Variants in KLKB1 observed in about 807,000 individuals in gnomAD.
KLKB1 encodes kallikrein B1, also known as plasma kallikrein.
A neutral mutation model predicts 73.6 loss-of-function variants in KLKB1; 58 were observed. The ratio of observed to expected loss-of-function variants is 0.79; its 90% CI spans 0.64 to 0.98. KLKB1 has a LOEUF of 0.98. Among genes scored for constraint, KLKB1 ranks in the 50% least tolerant of loss-of-function variants. KLKB1 has a pLI of 0.00. For synonymous variants in KLKB1, 280 were observed against 258.1 expected, an observed-to-expected ratio of 1.08 and a Z score of -0.81; for missense variants, 737 against 763.8, an observed-to-expected ratio of 0.96 and a Z score of 0.41.
chr4:186,221,791 T>C (rs1248666656), upstream of KLKB1, among the ~76,000 whole-genome samples: 1 of 152,250 alleles, frequency 6.6e-6, no homozygotes, highest in African/African-American at 2.4e-5. Context: ...GTTCTGCACA[T>C]GTCCGTTAGG....
chr4:186,255,942 A>G (rs1738970761), intron 12 of KLKB1, 50 bp from the exon 13 acceptor site: 2 of 1,073,412 alleles, frequency 1.9e-6, no homozygotes, highest in Admixed American at 1.7e-5. Context: ...TTTAAAGTCT[A>G]TATCCATAAC....
chr4:186,219,291 G>A (rs1490389517), intron 2 of KLKB1, among the ~76,000 whole-genome samples: 1 of 152,030 alleles, frequency 6.6e-6, no homozygotes, highest in African/African-American at 2.4e-5. Flanking sequence ...ACCATCACAA[G>A]TCCACCCCTT....
At chr4:186,226,994 G>A (rs1159401495), upstream of KLKB1, among the ~76,000 whole-genome samples, 19 of 152,174 alleles carry the variant, frequency 1.2e-4, 1 homozygote, top group Admixed American at 1.2e-3. Context: ...GGCCACAGAG[G>A]CTGGTCTGGC....
At position 186,252,074 on chromosome 4, in the gene KLKB1, AGT is replaced by A. The variant is rs768319200; in HGVS notation, c.1204_1205del (p.Trp402AlafsTer35). ...GGAGGAACAAACTCTTCTTGGGGAG[AGT>A]GGCCCTGGCAGGTGAGCCTGCAGGT... On this transcript the variant is annotated frameshift_variant, in exon 11 of 15. Coordinates refer to ENST00000264690, the MANE Select transcript of KLKB1 (RefSeq NM_000892.5). LOFTEE classifies it high-confidence loss of function. 2.0e-4 allele frequency: 330 copies of A among 1,613,976 alleles called. No individual in the cohort carries two copies. The highest frequency in any genetic ancestry group is 2.7e-4 in the Non-Finnish European group (315 of 1,180,048).
intron 2 of KLKB1, among the ~76,000 whole-genome samples, chr4:186,213,884 C>T (rs1311033649): frequency 6.6e-6 from 1 of 152,188 alleles, no homozygotes; most frequent in African/African-American, 2.4e-5. Context: ...CGTGGGCACC[C>T]TCTTTTTCTA....
chr4:186,210,864 C>T, intron 2 of KLKB1: 1 of 494,096 alleles, frequency 2.0e-6, no homozygotes, highest in Non-Finnish European at 3.5e-6. Context: ...AACCGTGTCT[C>T]ACTCTGTCGC....
At position 186,238,342 on chromosome 4, in the gene KLKB1, AGCCCTGT is replaced by A; in HGVS notation, c.581_587del (p.Cys194PhefsTer8). 6.2e-7 allele frequency: 1 copy of A among 1,613,324 alleles called. No individual in the cohort carries two copies. Among genetic ancestry groups the A allele is most frequent in the East Asian group, 2.2e-5 (1 of 44,870 alleles). Reference sequence around the variant, plus strand: ...AACGTGGAATCTGGATTCTCACTGAAGCCCTGTGCCCTTTCAGAAATTGGTAATTGTA... The same window carrying A: ...AACGTGGAATCTGGATTCTCACTGAAGCCCTTTCAGAAATTGGTAATTGTA... On this transcript the variant is annotated frameshift_variant, in exon 6 of 15. Transcript: ENST00000264690. LOFTEE classifies it high-confidence loss of function.
upstream of KLKB1, among the ~76,000 whole-genome samples, chr4:186,222,224 C>G (rs957731934): frequency 6.6e-6 from 1 of 152,178 alleles, no homozygotes; most frequent in Non-Finnish European, 1.5e-5. Context: ...TCCACTCTCT[C>G]TTTTGATTGG....
chr4:186,222,076 C>G (rs1019946053), upstream of KLKB1, among the ~76,000 whole-genome samples: 5 of 152,158 alleles, frequency 3.3e-5, no homozygotes, highest in Non-Finnish European at 5.9e-5. Context: ...ATAAGGATAG[C>G]CACCTCTGCT....
rs774880009 is a variant in KLKB1, at chr4:186,234,068, G to A, written c.328+10G>A. On this transcript the variant is annotated intron_variant, in intron 4 of 14. Coordinates refer to ENST00000264690, the MANE Select transcript of KLKB1 (RefSeq NM_000892.5). ...GGTCATCAAATAAGTGGTAAGTTGT[G>A]AATTTCTTAGCTACATTTGAGTTAA... The A allele has an allele frequency of 3.8e-6, 6 of 1,581,056 alleles. No individual in the cohort carries two copies. The highest frequency in any genetic ancestry group is 1.7e-4 in the Middle Eastern group (1 of 5,990).
chr4:186,223,998 C>A (rs529406769), upstream of KLKB1, among the ~76,000 whole-genome samples: 1 of 152,246 alleles, frequency 6.6e-6, no homozygotes, highest in Non-Finnish European at 1.5e-5. Context: ...CCCAGCCACT[C>A]CAGCTCCAGC....
At chr4:186,254,039 G>T (rs944851433) in intron 11 of KLKB1, among the ~76,000 whole-genome samples, 4 of 152,144 alleles carry the variant, frequency 2.6e-5, no homozygotes, top group African/African-American at 9.6e-5. Flanking sequence ...CATCATGTTG[G>T]TCAGGCTGGT....
At position 186,258,078 on chromosome 4, in the gene KLKB1, A is replaced by C; in HGVS notation, c.1783A>C (p.Ile595Leu). The change falls in exon 15 of 15, where the codon ATC becomes CTC. Residue 595 changes from isoleucine to leucine, a missense_variant. Physicochemically the swap from Ile to Leu is conservative, Grantham distance 5. Coordinates refer to ENST00000264690, the MANE Select transcript of KLKB1 (RefSeq NM_000892.5). ...CAATGGAATGTGGCGTTTGGTGGGC[A>C]TCACCAGCTGGGGTGAAGGCTGTGC... ...KHNGMWRLVGITSWGEGCARR... is the reference protein window; with the variant it reads ...KHNGMWRLVGLTSWGEGCARR... 6.2e-7 allele frequency: 1 copy of C among 1,614,132 alleles called. No homozygotes were observed. Among genetic ancestry groups the C allele is most frequent in the Non-Finnish European group, 8.5e-7 (1 of 1,180,000 alleles).
intron 13 of KLKB1, 48 bp from the exon 14 acceptor site, chr4:186,257,174 TTAAG>T (rs1448030442): frequency 1.1e-6 from 1 of 946,562 alleles, no homozygotes; most frequent in Non-Finnish European, 1.6e-6. Context: ...TATTTATTAT[TTAAG>T]TTATTATTAT....
intron 2 of KLKB1, among the ~76,000 whole-genome samples, chr4:186,221,396 T>G (rs1242623153): frequency 1.3e-5 from 2 of 151,930 alleles, no homozygotes; most frequent in African/African-American, 2.4e-5. Flanking sequence ...ATATTTCAGA[T>G]CTTTCCATTT....
intron 6 of KLKB1, among the ~76,000 whole-genome samples, chr4:186,245,364 G>A (rs1043872745): frequency 9.2e-5 from 14 of 152,188 alleles, no homozygotes; most frequent in South Asian, 2.1e-4. Flanking sequence ...ATCGGGCAGC[G>A]TCAGTCTTCA....
intron 2 of KLKB1, among the ~76,000 whole-genome samples, chr4:186,213,874 C>T (rs544512677): frequency 3.3e-5 from 5 of 152,246 alleles, no homozygotes; most frequent in African/African-American, 7.2e-5. Context: ...TTTTAGTCTG[C>T]GTGGGCACCC....
intron 11 of KLKB1, among the ~76,000 whole-genome samples, chr4:186,253,514 C>G (rs1306452168): frequency 6.6e-6 from 1 of 152,072 alleles, no homozygotes; most frequent in Non-Finnish European, 1.5e-5. Context: ...TAAATGCACT[C>G]CAATTTGGGA....
At chr4:186,241,745 G>A (rs1346896426) in intron 6 of KLKB1, among the ~76,000 whole-genome samples, 1 of 152,138 alleles carries the variant, frequency 6.6e-6, no homozygotes, top group Non-Finnish European at 1.5e-5. Flanking sequence ...AACGAAGCTG[G>A]TTGATAAAAT....
Sources: allele counts gnomAD v4.1 joint callset (sites outside exome capture counted in the v4.1 genomes callset), GRCh38; gene constraint gnomAD v4.1.1; transcripts MANE v1.5; gene names NCBI Gene and HGNC (gene_info 2026-07-23, HGNC 2026-07-21).